The following BTBD9 variants were observed in gnomAD, a reference collection of about 807,000 sequenced individuals.
The protein encoded by BTBD9 is BTB/POZ domain-containing protein 9.
A neutral mutation model predicts 64.3 loss-of-function variants in BTBD9; 49 were observed. The ratio of observed to expected loss-of-function variants is 0.76; its 90% CI spans 0.61 to 0.97. The LOEUF is 0.97. Among genes scored for constraint, BTBD9 ranks in the 50% least tolerant of loss-of-function variants. The probability of loss-of-function intolerance (pLI) is 0.00; values close to 1 mark genes in which losing one functional copy is unlikely to be tolerated. For synonymous variants in BTBD9, 260 were observed against 274.7 expected, an observed-to-expected ratio of 0.95 and a Z score of 0.53; for missense variants, 598 against 762.1, an observed-to-expected ratio of 0.78 and a Z score of 2.53.
chr6:38,372,642 G>A (rs959552861), intron 6 of BTBD9, among the ~76,000 whole-genome samples: 2 of 152,172 alleles, frequency 1.3e-5, no homozygotes, highest in Non-Finnish European at 2.9e-5. Context: ...TTTCAGCACT[G>A]AGACCGTGGC....
intron 1 of BTBD9, among the ~76,000 whole-genome samples, chr6:38,624,969 T>C (rs530169062): frequency 1.8e-4 from 27 of 152,384 alleles, no homozygotes; most frequent in African/African-American, 6.3e-4. Flanking sequence ...ATTAGTATTA[T>C]ATTTTTATTC....
intron 6 of BTBD9, among the ~76,000 whole-genome samples, chr6:38,476,104 A>G (rs544540107): frequency 2.6e-5 from 4 of 152,350 alleles, no homozygotes; most frequent in Admixed American, 1.3e-4. Flanking sequence ...TTCACTCTGT[A>G]TAATTTAACC....
At chr6:38,610,592 G>A (rs1486175323) in intron 1 of BTBD9, among the ~76,000 whole-genome samples, 1 of 152,124 alleles carries the variant, frequency 6.6e-6, no homozygotes, top group Non-Finnish European at 1.5e-5. Context: ...GTCTTCATAG[G>A]AACAAAGATC....
In BTBD9 at chr6:38,379,448, G is replaced by A. The variant is rs371603583; in HGVS notation, c.1155-34355C>T. Among the ~76,000 whole-genome samples the A allele has an allele frequency of 2.6e-3, 395 of 152,214 alleles. 3 individuals carry two copies. The highest frequency in any genetic ancestry group is 7.2e-3 in the African/African-American group (300 of 41,532). On this transcript the variant is annotated intron_variant, in intron 6 of 10. Transcript: ENST00000481247. The stretch of plus-strand genomic sequence containing the variant: ...GCGGGTTTGCTCTACTAAAATAAGG[G>A]ATTAATCCAAGAAATGGAAGAGAAG...
At chr6:38,586,886 A>C (rs1776556145) in intron 4 of BTBD9, among the ~76,000 whole-genome samples, 1 of 151,850 alleles carries the variant, frequency 6.6e-6, no homozygotes, top group African/African-American at 2.4e-5. Context: ...AACCTGGTGA[A>C]ACCCCATCTC....
At chr6:38,506,377 T>G (rs947784741) in intron 6 of BTBD9, among the ~76,000 whole-genome samples, 2 of 152,178 alleles carry the variant, frequency 1.3e-5, no homozygotes, top group African/African-American at 4.8e-5. Context: ...CCATAAACAG[T>G]GTTGGATGCT....
At chr6:38,580,946 A>G (rs1296510514) in intron 4 of BTBD9, among the ~76,000 whole-genome samples, 1 of 152,224 alleles carries the variant, frequency 6.6e-6, no homozygotes, top group African/African-American at 2.4e-5. Flanking sequence ...TAATCCCAGC[A>G]CTTTGGGAGG....
intron 4 of BTBD9, chr6:38,587,795 A>G: frequency 1.4e-6 from 1 of 713,144 alleles, no homozygotes; most frequent in Non-Finnish European, 2.7e-6. Flanking sequence ...TCTTCTGGAA[A>G]ACAGTCTACT....
intron 10 of BTBD9, among the ~76,000 whole-genome samples, chr6:38,189,470 C>G (rs1411012252): frequency 1.3e-5 from 2 of 152,170 alleles, no homozygotes; most frequent in East Asian, 3.8e-4. Flanking sequence ...TCTTGATGCC[C>G]AATAAAGTTC....
chr6:38,344,088 G>A (rs565833330), intron 7 of BTBD9, among the ~76,000 whole-genome samples: 2 of 152,208 alleles, frequency 1.3e-5, no homozygotes, highest in East Asian at 1.9e-4. Flanking sequence ...TCCCCACACC[G>A]GAACATATGA....
chr6:38,515,074 G>A (rs758810644), intron 6 of BTBD9, among the ~76,000 whole-genome samples: 1 of 151,918 alleles, frequency 6.6e-6, no homozygotes, highest in Non-Finnish European at 1.5e-5. Context: ...ATTTAGTCCA[G>A]TTGTGCCTGG....
At chr6:38,534,639 A>C (rs551389700) in intron 6 of BTBD9, among the ~76,000 whole-genome samples, 16 of 152,246 alleles carry the variant, frequency 1.1e-4, no homozygotes, top group African/African-American at 2.9e-4. Flanking sequence ...AAATACTAGC[A>C]AAAGGAATTG....
intron 6 of BTBD9, among the ~76,000 whole-genome samples, chr6:38,454,431 T>C (rs1015442963): frequency 4.0e-5 from 6 of 151,198 alleles, no homozygotes; most frequent in Non-Finnish European, 8.8e-5. Flanking sequence ...AGAAGCATCA[T>C]TACCATAATT....
chr6:38,181,961 C>T (rs1020552692), intron 10 of BTBD9, among the ~76,000 whole-genome samples: 2 of 151,966 alleles, frequency 1.3e-5, no homozygotes, highest in African/African-American at 2.4e-5. Flanking sequence ...GCACTCCAGC[C>T]GGGAGACAGA....
chr6:38,252,464 A>G (rs570661006), intron 9 of BTBD9, among the ~76,000 whole-genome samples: 11 of 152,360 alleles, frequency 7.2e-5, no homozygotes, highest in African/African-American at 2.6e-4. Context: ...TTACGCCTAT[A>G]AACATAAAAT....
At chr6:38,302,052 G>A (rs545190594) in intron 7 of BTBD9, among the ~76,000 whole-genome samples, 15 of 152,148 alleles carry the variant, frequency 9.9e-5, no homozygotes, top group Admixed American at 2.6e-4. Context: ...GTTTCGATAC[G>A]TGTATACACT....
chr6:38,230,037 A>G (rs1256103446), intron 9 of BTBD9, among the ~76,000 whole-genome samples: 1 of 152,094 alleles, frequency 6.6e-6, no homozygotes, highest in Non-Finnish European at 1.5e-5. Context: ...CCAGCAATAC[A>G]TTTTCCATAG....
At chr6:38,456,830 T>A (rs1358227155) in intron 6 of BTBD9, among the ~76,000 whole-genome samples, 2 of 152,200 alleles carry the variant, frequency 1.3e-5, no homozygotes, top group South Asian at 2.1e-4. Flanking sequence ...TTCTCAAATA[T>A]CAGCTAGTTA....
At chr6:38,536,308 C>G (rs1774019943) in intron 6 of BTBD9, among the ~76,000 whole-genome samples, 1 of 152,030 alleles carries the variant, frequency 6.6e-6, no homozygotes, top group African/African-American at 2.4e-5. Context: ...TGGCTTTTAT[C>G]CAAAAGACAG....
Sources: allele counts gnomAD v4.1 joint callset (sites outside exome capture counted in the v4.1 genomes callset), GRCh38; gene constraint gnomAD v4.1.1; transcripts MANE v1.5; gene names NCBI Gene and HGNC (gene_info 2026-07-23, HGNC 2026-07-21).